Variants in RSRP1 observed in about 807,000 individuals in gnomAD.
RSRP1 encodes arginine and serine rich protein 1, also known as arginine/serine-rich protein 1.
Under a neutral mutation model 33.0 loss-of-function variants are expected in RSRP1, and 37 were observed. The ratio of observed to expected loss-of-function variants is 1.12; its 90% CI spans 0.86 to 1.48. The LOEUF is 1.48. Among genes scored for constraint, RSRP1 ranks in the 40% most tolerant of loss-of-function variants. RSRP1 has a pLI of 0.00. For synonymous variants in RSRP1, 167 were observed against 158.7 expected, an observed-to-expected ratio of 1.05 and a Z score of -0.40; for missense variants, 402 against 385.3, an observed-to-expected ratio of 1.04 and a Z score of -0.36.
At chr1:25,319,438 C>T in intron 1 of RSRP1, among the ~76,000 whole-genome samples, 1 of 131,520 alleles carries the variant, frequency 7.6e-6, no homozygotes, top group Non-Finnish European at 1.8e-5. Flanking sequence ...TAGTGAGACC[C>T]CATCTCTACA....
intron 1 of RSRP1, among the ~76,000 whole-genome samples, chr1:25,331,188 G>T (rs532085654): frequency 7.8e-6 from 1 of 127,712 alleles, no homozygotes; most frequent in South Asian, 2.4e-4. Context: ...GGCTGGTCTC[G>T]AACTCCTGAC....
At position 25,332,256 on chromosome 1, in the gene RSRP1, C is replaced by T. The variant is rs1459156884; in HGVS notation, c.-67+5722G>A. 1.6e-5 allele frequency among the ~76,000 whole-genome samples: 2 copies of T among 128,978 alleles called. 1 individual carries two copies. The highest frequency in any genetic ancestry group is 3.7e-5 in the Non-Finnish European group (2 of 54,644). 84.6% of individuals were successfully genotyped at this position (128,978 alleles called of 152,430 possible). On this transcript the variant is annotated intron_variant, in intron 1 of 1. Coordinates refer to the RSRP1 transcript ENST00000561867. Reference sequence around the variant, plus strand: ...TTCACCATGTTGGCCAGGATGGTCCCGAACTCCTGACCTCAAGTGATCCTC... The same window carrying T: ...TTCACCATGTTGGCCAGGATGGTCCTGAACTCCTGACCTCAAGTGATCCTC...
rs115854017 is a variant in RSRP1 at position 25,245,261 on chromosome 1, C to T, written c.561G>A (p.Ala187=). Residue 187 remains alanine (A), a synonymous_variant, in exon 3 of 5, where the codon GCG becomes GCA. Coordinates refer to ENST00000243189, the MANE Select transcript of RSRP1 (RefSeq NM_020317.5). ...CAATGTTGGTTGTTCCTAGAGCTTT[C>T]GCTGCATTGGTTTTTGCTATTTCTA... ...ELLEIAKTNA[A]KALGTTNIDL... is the part of the protein sequence containing the mutation. 36 of 1,613,660 alleles carry T rather than the reference C, an allele frequency of 2.2e-5. No individual in the cohort carries two copies. Among genetic ancestry groups the T allele is most frequent in the African/African-American group, 1.7e-4 (13 of 74,894 alleles).
Position 25,245,441 on chromosome 1 carries a change from G to C in RSRP1, c.521-140C>G. ...ACTTGTTTTATAATAGGTAAACTAAGGTTGCCCTTGAACACTAGTAGCTGC... is the reference window on the plus strand; with the variant it reads ...ACTTGTTTTATAATAGGTAAACTAACGTTGCCCTTGAACACTAGTAGCTGC... On this transcript the variant is annotated intron_variant, in intron 2 of 4. Transcript: ENST00000243189. 9 of 1,230,902 alleles carry C rather than the reference G, an allele frequency of 7.3e-6. No homozygotes were observed. In the South Asian group the frequency reaches 1.3e-4, roughly 18 times the overall value. 76.2% of individuals were successfully genotyped at this position (1,230,902 alleles called of 1,614,324 possible).
rs182976290 is a variant in RSRP1 at position 25,245,518 on chromosome 1, A to C, written c.521-217T>G. On this transcript the variant is annotated intron_variant, in intron 2 of 4. Coordinates refer to ENST00000243189, the MANE Select transcript of RSRP1 (RefSeq NM_020317.5). Reference sequence around the variant, plus strand: ...CTCCCCCTTACTAAATGCAGATAGAAAGTACCACAGTGTTTGAGAGACTGT... The same window carrying C: ...CTCCCCCTTACTAAATGCAGATAGACAGTACCACAGTGTTTGAGAGACTGT... Among the ~76,000 whole-genome samples the C allele has an allele frequency of 3.3e-5, 5 of 152,290 alleles. No homozygotes were observed. In the East Asian group the frequency reaches 7.7e-4, roughly 24 times the overall value.
chr1:25,273,669 A>G (rs1640694012), intron 1 of RSRP1, among the ~76,000 whole-genome samples: 2 of 117,180 alleles, frequency 1.7e-5, no homozygotes, highest in Non-Finnish European at 4.0e-5. Context: ...AACTGTAAAT[A>G]AGACAGATGT....
intron 1 of RSRP1, among the ~76,000 whole-genome samples, chr1:25,264,040 G>T (rs1340331386): frequency 6.6e-6 from 1 of 152,050 alleles, no homozygotes; most frequent in Non-Finnish European, 1.5e-5. Flanking sequence ...GGGTTCCCAT[G>T]GTCTTGGGCA....
At chr1:25,318,299 A>G (rs1194233526) in intron 1 of RSRP1, 1 of 131,424 alleles carries the variant, frequency 7.6e-6, no homozygotes. Flanking sequence ...AAGAAAATAC[A>G]CATTCAGGCC....
chr1:25,274,040 C>G (rs1339319151), intron 1 of RSRP1, among the ~76,000 whole-genome samples: 1 of 132,648 alleles, frequency 7.5e-6, no homozygotes, highest in East Asian at 1.9e-4. Context: ...CAATACAATT[C>G]AATGCATTCC....
intron 1 of RSRP1, chr1:25,272,460 C>G: frequency 6.9e-7 from 1 of 1,442,378 alleles, no homozygotes; most frequent in Non-Finnish European, 9.5e-7. Flanking sequence ...GGTGTCTCCC[C>G]TATCGCTCCC....
At chr1:25,321,991 G>A in intron 1 of RSRP1, 1 of 1,072,492 alleles carries the variant, frequency 9.3e-7, no homozygotes. Flanking sequence ...TAACGTGATA[G>A]ATTTTGAGTG....
chr1:25,262,472 G>C (rs761555903), intron 1 of RSRP1, among the ~76,000 whole-genome samples: 55 of 152,274 alleles, frequency 3.6e-4, no homozygotes, highest in Middle Eastern at 3.4e-3. Flanking sequence ...GTCAGGGTTC[G>C]CCAAAGAGAC....
In RSRP1 at chr1:25,292,566, G is replaced by A. The variant is rs1642603649; in HGVS notation, c.-67+45412C>T. Among the ~76,000 whole-genome samples, 2 of 130,766 alleles carry A rather than the reference G, an allele frequency of 1.5e-5. 1 individual carries two copies. Among genetic ancestry groups the A allele is most frequent in the Non-Finnish European group, 3.6e-5 (2 of 55,162 alleles). The allele number at this position is 130,766 out of a possible 152,430, so 85.8% of individuals were successfully genotyped here. A position where few individuals can be genotyped will look rare whatever the true frequency, so the allele number is the denominator to read the frequency against. On this transcript the variant is annotated intron_variant, in intron 1 of 1. Transcript: ENST00000561867. ...AGCGGCTGCTGGTGCCATTTACTGA[G>A]ATGGGGAATGTTGGGGTGGGATAGA...
intron 1 of RSRP1, among the ~76,000 whole-genome samples, chr1:25,259,861 G>A (rs1310768085): frequency 1.4e-4 from 21 of 152,180 alleles, no homozygotes; most frequent in South Asian, 2.1e-4. Flanking sequence ...CTTTGTGAAC[G>A]TGGCAGTGCT....
At position 25,320,190 on chromosome 1, in the gene RSRP1, G is replaced by A. The variant is rs1428289072; in HGVS notation, c.-67+17788C>T. On this transcript the variant is annotated intron_variant, in intron 1 of 1. Transcript: ENST00000561867. ...TGGGATTACAGGGATAAGCCACTGC[G>A]ACCGGCCGACAAATTCTTAAAACTG... 3.0e-5 allele frequency among the ~76,000 whole-genome samples: 4 copies of A among 131,890 alleles called. 1 individual carries two copies. The highest frequency in any genetic ancestry group is 7.2e-5 in the Non-Finnish European group (4 of 55,688). 86.5% of individuals were successfully genotyped at this position (131,890 alleles called of 152,430 possible). A position where few individuals can be genotyped will look rare whatever the true frequency, so the allele number is the denominator to read the frequency against.
At position 25,306,972 on chromosome 1, in the gene RSRP1, A is replaced by G. The variant is rs192421318; in HGVS notation, c.-67+31006T>C. 2,882 of 456,964 alleles carry G rather than the reference A, an allele frequency of 6.3e-3. 631 individuals carry two copies. Among genetic ancestry groups the G allele is most frequent in the Non-Finnish European group, 0.011 (2,382 of 224,924 alleles). The allele number at this position is 456,964 out of a possible 1,614,324, so 28.3% of individuals were successfully genotyped here. A position where few individuals can be genotyped will look rare whatever the true frequency, so the allele number is the denominator to read the frequency against. On this transcript the variant is annotated intron_variant, in intron 1 of 1. Coordinates refer to the RSRP1 transcript ENST00000561867. ...CACCTAGGTATAGACCAAAGACACG[A>G]AATCTTTTGTGATCCCACAAACACA...
intron 1 of RSRP1, chr1:25,329,072 C>A (rs758070716): frequency 1.5e-6 from 2 of 1,321,998 alleles, no homozygotes; most frequent in Admixed American, 1.9e-5. Flanking sequence ...GGAGTTGAAT[C>A]CTTTCTCTGC....
chr1:25,287,247 T>C (rs1642106177), intron 1 of RSRP1, among the ~76,000 whole-genome samples: 1 of 135,544 alleles, frequency 7.4e-6, no homozygotes. Context: ...TGGTTTGGTG[T>C]TGCTGCCTTA....
intron 1 of RSRP1, among the ~76,000 whole-genome samples, chr1:25,288,734 C>T (rs1449909142): frequency 7.9e-6 from 1 of 126,458 alleles, no homozygotes; most frequent in African/African-American, 2.7e-5. Flanking sequence ...CCTGAGAGCA[C>T]GCTCCTAACC....
Sources: gnomAD v4.1 joint callset for allele counts (sites outside exome capture counted in the v4.1 genomes callset) on GRCh38, gnomAD v4.1.1 for gene constraint, MANE v1.5 for transcripts, NCBI Gene and HGNC (gene_info 2026-07-23, HGNC 2026-07-21) for gene names.